The following SNRPN variants were observed in gnomAD, a reference collection of about 807,000 sequenced individuals.
The protein encoded by SNRPN is small nuclear ribonucleoprotein-associated protein N.
A neutral mutation model predicts 25.2 loss-of-function variants in SNRPN; 7 were observed. The ratio of observed to expected loss-of-function variants is 0.28; its 90% CI spans 0.16 to 0.52. SNRPN has a LOEUF of 0.52. SNRPN is among the 20% of genes least tolerant of loss of function. The pLI is 0.96. For missense variants in SNRPN, 196 were observed against 322.5 expected (o/e 0.61, Z 3.00); for synonymous variants, 124 against 110.6 (o/e 1.12, Z -0.76).
intron 1 of SNRPN, among the ~76,000 whole-genome samples, chr15:24,825,243 T>A (rs1433244709): frequency 6.6e-6 from 1 of 151,868 alleles, no homozygotes; most frequent in Non-Finnish European, 1.5e-5. Flanking sequence ...TCATCTTCAT[T>A]CTTTTATTGT....
chr15:24,938,117 T>G (rs1034274769), intron 3 of SNRPN, among the ~76,000 whole-genome samples: 26 of 151,532 alleles, frequency 1.7e-4, no homozygotes, highest in Non-Finnish European at 3.5e-4. Flanking sequence ...CTAATTCGTT[T>G]TTTTTTTTTT....
intron 1 of SNRPN, among the ~76,000 whole-genome samples, chr15:24,884,906 G>C (rs1052837180): frequency 2.0e-5 from 3 of 152,124 alleles, no homozygotes; most frequent in South Asian, 4.1e-4. Flanking sequence ...ACTGAAAAGA[G>C]AGAGTTTATT....
At chr15:24,938,920 A>G (rs34680239) in intron 3 of SNRPN, among the ~76,000 whole-genome samples, 3,557 of 152,280 alleles carry the variant, frequency 0.023, 54 homozygotes, top group Middle Eastern at 0.054. Flanking sequence ...TATGAAAGAC[A>G]TGCTTATAGA....
At chr15:24,861,419 C>CA (rs1216343186) in intron 1 of SNRPN, among the ~76,000 whole-genome samples, 1 of 152,060 alleles carries the variant, frequency 6.6e-6, no homozygotes, top group East Asian at 1.9e-4. Flanking sequence ...TGGTATAAAA[C>CA]AAAAAATATT....
intron 1 of SNRPN, among the ~76,000 whole-genome samples, chr15:24,955,844 T>C (rs1017649439): frequency 2.7e-5 from 4 of 150,116 alleles, no homozygotes; most frequent in African/African-American, 9.8e-5. Context: ...GCGGTGGGCA[T>C]GGCATGGAGG....
chr15:24,910,136 C>G (rs2059118236), intron 2 of SNRPN, among the ~76,000 whole-genome samples: 1 of 152,146 alleles, frequency 6.6e-6, no homozygotes, highest in Admixed American at 6.6e-5. Flanking sequence ...TGGGAGCCTG[C>G]CCTGCCACAA....
chr15:24,939,192 C>A (rs1019117316), intron 3 of SNRPN, among the ~76,000 whole-genome samples: 7 of 152,234 alleles, frequency 4.6e-5, no homozygotes, highest in African/African-American at 1.7e-4. Context: ...TCCATTCCTA[C>A]CAACATTATA....
intron 1 of SNRPN, among the ~76,000 whole-genome samples, chr15:24,826,888 T>C (rs1310649704): frequency 6.6e-6 from 1 of 152,010 alleles, no homozygotes; most frequent in Non-Finnish European, 1.5e-5. Context: ...ACGTAGAGAG[T>C]ACTTACACAA....
chr15:24,968,659 A>G (rs546014271), intron 3 of SNRPN: 3 of 152,800 alleles, frequency 2.0e-5, no homozygotes, highest in Non-Finnish European at 2.9e-5. Flanking sequence ...AGTGAATTAT[A>G]AATACACAGC....
At chr15:24,861,188 G>A (rs75443652) in intron 1 of SNRPN, among the ~76,000 whole-genome samples, 2,474 of 152,300 alleles carry the variant, frequency 0.016, 52 homozygotes, top group African/African-American at 0.048. Flanking sequence ...TACCTTCTGA[G>A]AAATGCATTG....
chr15:24,884,339 A>G (rs957168700), intron 1 of SNRPN, among the ~76,000 whole-genome samples: 6 of 152,164 alleles, frequency 3.9e-5, no homozygotes, highest in Admixed American at 3.9e-4. Flanking sequence ...GTCTCAAAAC[A>G]CAAACAAACA....
chr15:24,869,564 A>G (rs1373976053), intron 1 of SNRPN, among the ~76,000 whole-genome samples: 7 of 152,248 alleles, frequency 4.6e-5, no homozygotes, highest in African/African-American at 1.2e-4. Flanking sequence ...AACATCCCCA[A>G]TTTGGGATTT....
chr15:24,958,520 T>TTTTTTA (rs1440476628), intron 1 of SNRPN, among the ~76,000 whole-genome samples: 1 of 120,744 alleles, frequency 8.3e-6, no homozygotes, highest in African/African-American at 3.4e-5. Context: ...TTTTTTTTTT[T>TTTTTTA]AAATAGACCA....
intron 1 of SNRPN, among the ~76,000 whole-genome samples, chr15:24,858,389 T>G (rs976222317): frequency 6.6e-6 from 1 of 152,162 alleles, no homozygotes; most frequent in African/African-American, 2.4e-5. Context: ...CAGTTATGAT[T>G]TTTTGCAAAG....
intron 2 of SNRPN, among the ~76,000 whole-genome samples, chr15:24,901,947 C>T (rs1472632858): frequency 6.6e-6 from 1 of 152,134 alleles, no homozygotes; most frequent in Non-Finnish European, 1.5e-5. Flanking sequence ...TGAGGATGAA[C>T]AGATAGGCAA....
intron 1 of SNRPN, among the ~76,000 whole-genome samples, chr15:24,857,514 A>T (rs1332284101): frequency 6.6e-6 from 1 of 152,140 alleles, no homozygotes; most frequent in Non-Finnish European, 1.5e-5. Flanking sequence ...TGTAATAAGG[A>T]AATTACAGTC....
intron 2 of SNRPN, among the ~76,000 whole-genome samples, chr15:24,895,886 C>T (rs1595761144): frequency 6.6e-6 from 1 of 152,068 alleles, no homozygotes; most frequent in African/African-American, 2.4e-5. Flanking sequence ...ATAGTCACAG[C>T]GATGCAAATG....
upstream of SNRPN, chr15:24,954,779 G>A (rs561607142): frequency 8.9e-4 from 491 of 554,392 alleles, 8 homozygotes; most frequent in South Asian, 0.011. Flanking sequence ...GTTGCTTATG[G>A]TTTCTAGAGG....
intron 2 of SNRPN, among the ~76,000 whole-genome samples, chr15:24,889,096 T>C (rs993180783): frequency 1.3e-5 from 2 of 151,182 alleles, no homozygotes; most frequent in Non-Finnish European, 2.9e-5. Flanking sequence ...TTTTATATTT[T>C]TAATAGAGAC....
Sources: gnomAD v4.1 joint callset for allele counts (sites outside exome capture counted in the v4.1 genomes callset) on GRCh38, gnomAD v4.1.1 for gene constraint, MANE v1.5 for transcripts, NCBI Gene and HGNC (gene_info 2026-07-23, HGNC 2026-07-21) for gene names.